Variants in DOCK8 observed in about 807,000 individuals in gnomAD.
DOCK8 encodes the protein dedicator of cytokinesis protein 8.
DOCK8 carries 141 observed loss-of-function variants against 245.6 expected under a neutral mutation model. That is an observed-to-expected ratio of 0.57 (90% CI 0.50 to 0.66). The LOEUF (loss-of-function observed/expected upper bound fraction) is 0.66. Among genes scored for constraint, DOCK8 ranks in the 30% least tolerant of loss-of-function variants. The pLI, the probability that DOCK8 is intolerant of heterozygous loss-of-function variation, is 0.00. For missense variants in DOCK8, 2,965 were observed against 2,603.4 expected (o/e 1.14, Z -3.02); for synonymous variants, 1,168 against 970.2 (o/e 1.20, Z -3.79).
At position 304,842 on chromosome 9, in the gene DOCK8, A is replaced by AT. The variant is rs368722500; in HGVS notation, c.528+148dup. The AT allele has an allele frequency of 4.7e-3, 5,482 of 1,159,946 alleles. 5 individuals carry two copies. Among genetic ancestry groups the AT allele is most frequent in the African/African-American group, 0.012 (743 of 63,564 alleles). The allele number at this position is 1,159,946 out of a possible 1,614,324, so 71.9% of individuals were successfully genotyped here. On this transcript the variant is annotated intron_variant, in intron 5 of 47. Transcript: ENST00000432829. ...AGGAACTTTACCATCTGAGTCAGTGATTTTTTTTTTCAAACTTATTTGTAG... is the reference window on the plus strand; with the variant it reads ...AGGAACTTTACCATCTGAGTCAGTGATTTTTTTTTTTCAAACTTATTTGTAG...
In DOCK8 at chr9:368,192, C is replaced by T. The variant is rs758796075; in HGVS notation, c.1797+57C>T. 4 of 1,392,896 alleles carry T rather than the reference C, an allele frequency of 2.9e-6. No homozygotes were observed. In the African/African-American group the frequency reaches 4.3e-5, roughly 15 times the overall value. 86.3% of individuals were successfully genotyped at this position (1,392,896 alleles called of 1,614,324 possible). A position where few individuals can be genotyped will look rare whatever the true frequency, so the allele number is the denominator to read the frequency against. On this transcript the variant is annotated intron_variant, in intron 15 of 47. Transcript: ENST00000432829. ...CAGGGTGGGCTGCTCACCCCTGTCA[C>T]TTCACACAAGTCCGGGACTCATCAG...
chr9:463,439 G>GAA, intron 46 of DOCK8, 78 bp from the exon 47 acceptor site: 1 of 1,562,738 alleles, frequency 6.4e-7, no homozygotes, highest in South Asian at 1.1e-5. Context: ...TCGAAAAATC[G>GAA]TAAGTAATTT....
At chr9:425,492 A>T (rs1005510891) in intron 33 of DOCK8, among the ~76,000 whole-genome samples, 16 of 141,098 alleles carry the variant, frequency 1.1e-4, no homozygotes, top group Non-Finnish European at 1.5e-4. Context: ...AGATTGCGCC[A>T]CTGCACTCTG....
chr9:273,421 T>C lies in DOCK8; in HGVS notation c.156+1692T>C, dbSNP rs201212116. ...TATTGGTTTAATTTGTGCTAATATA[T>C]ATTTAATTGAAAAATCAAAAAAATT... On this transcript the variant is annotated intron_variant, in intron 2 of 47. Coordinates refer to ENST00000432829, the MANE Select transcript of DOCK8 (RefSeq NM_203447.4). Among the ~76,000 whole-genome samples the C allele has an allele frequency of 4.6e-5, 7 of 152,236 alleles. No individual in the cohort carries two copies. The East Asian group carries it at 1.3e-3, about 29-fold the overall frequency.
chr9:319,076 C>T lies in DOCK8; in HGVS notation c.827+1948C>T, dbSNP rs150856379. 8.2e-4 allele frequency among the ~76,000 whole-genome samples: 125 copies of T among 152,266 alleles called. 1 individual carries two copies. Among genetic ancestry groups the T allele is most frequent in the African/African-American group, 2.9e-3 (122 of 41,558 alleles). On this transcript the variant is annotated intron_variant, in intron 7 of 47. Transcript: ENST00000432829. ...CTTTGGGAGGCCAAAGTGGGAGGAT[C>T]GCTTGAGGCCAGGAGTTTGAGGCCG...
At chr9:306,706 C>T (rs184355005) in intron 5 of DOCK8, among the ~76,000 whole-genome samples, 2 of 152,270 alleles carry the variant, frequency 1.3e-5, no homozygotes, top group East Asian at 3.9e-4. Context: ...ATTTCTGATT[C>T]AGTAGGTCTG....
intron 1 of DOCK8, among the ~76,000 whole-genome samples, chr9:263,019 C>G (rs2047954520): frequency 6.6e-6 from 1 of 152,140 alleles, no homozygotes; most frequent in Non-Finnish European, 1.5e-5. Context: ...CCAGCCTAGC[C>G]AACGTGGTGA....
At chr9:374,986 C>G (rs1341242414) in intron 18 of DOCK8, among the ~76,000 whole-genome samples, 1 of 152,180 alleles carries the variant, frequency 6.6e-6, no homozygotes, top group African/African-American at 2.4e-5. Flanking sequence ...TCTCTTCACT[C>G]TGCAGATTGG....
At chr9:224,397 C>T (rs1044225718) in intron 1 of DOCK8, among the ~76,000 whole-genome samples, 2 of 152,082 alleles carry the variant, frequency 1.3e-5, no homozygotes, top group Non-Finnish European at 2.9e-5. Flanking sequence ...TGCTTGGAGA[C>T]TCAATTAAGG....
intron 1 of DOCK8, among the ~76,000 whole-genome samples, chr9:219,399 A>T (rs1391971669): frequency 6.6e-6 from 1 of 152,164 alleles, no homozygotes; most frequent in Non-Finnish European, 1.5e-5. Context: ...TGAACCTGGG[A>T]GGTGGAGGCT....
chr9:391,772 T>C (rs986402388), intron 24 of DOCK8, among the ~76,000 whole-genome samples: 8 of 151,594 alleles, frequency 5.3e-5, no homozygotes, highest in African/African-American at 1.9e-4. Flanking sequence ...TTAGTGATAA[T>C]GTTAGCTTTA....
intron 14 of DOCK8, among the ~76,000 whole-genome samples, chr9:363,776 T>C (rs2052845485): frequency 6.6e-6 from 1 of 152,066 alleles, no homozygotes; most frequent in Non-Finnish European, 1.5e-5. Context: ...GGTGGTGATG[T>C]TTGGATACAG....
chr9:428,594 A>G (rs1459765941), intron 35 of DOCK8, 98 bp downstream of exon 35: 13 of 1,456,052 alleles, frequency 8.9e-6, no homozygotes, highest in South Asian at 1.2e-5. Context: ...GTCACAGAGC[A>G]TATTAAGTGG....
At chr9:277,467 A>AAGAGT (rs374538599) in intron 2 of DOCK8, among the ~76,000 whole-genome samples, 1 of 68,036 alleles carries the variant, frequency 1.5e-5, no homozygotes, top group South Asian at 3.9e-4. Context: ...GAGAGAAGAG[A>AAGAGT]AGAGAAGAGA....
chr9:361,048 G>C (rs1187076813), intron 14 of DOCK8, among the ~76,000 whole-genome samples: 2 of 152,098 alleles, frequency 1.3e-5, no homozygotes, highest in African/African-American at 2.4e-5. Context: ...TGAATCTGTA[G>C]TCCTAGAAAC....
At chr9:339,244 G>A (rs1430194616) in intron 13 of DOCK8, 145 bp downstream of exon 13, 1 of 752,474 alleles carries the variant, frequency 1.3e-6, no homozygotes, top group Non-Finnish European at 2.3e-6. Flanking sequence ...AATCTGAATT[G>A]TTCTATGTCT....
At chr9:442,166 G>T (rs924476064) in intron 42 of DOCK8, among the ~76,000 whole-genome samples, 157 bp downstream of exon 42, 7 of 152,180 alleles carry the variant, frequency 4.6e-5, no homozygotes, top group African/African-American at 1.7e-4. Flanking sequence ...AAAGTAGAAA[G>T]GTATTAGGTG....
rs962446975 is a variant in DOCK8 at position 361,124 on chromosome 9, G to A, written c.1680-6894G>A. On this transcript the variant is annotated intron_variant, in intron 14 of 47. Coordinates refer to ENST00000432829, the MANE Select transcript of DOCK8 (RefSeq NM_203447.4). ...TGAGGCTGCAGTAAGCTGTGATCACGCCACAGCACTCCAGCCCAAGCAACA... is the reference window on the plus strand; with the variant it reads ...TGAGGCTGCAGTAAGCTGTGATCACACCACAGCACTCCAGCCCAAGCAACA... Among the ~76,000 whole-genome samples, 13 of 152,206 alleles carry A rather than the reference G, an allele frequency of 8.5e-5. No individual in the cohort carries two copies. In the East Asian group the frequency reaches 1.9e-3, roughly 23 times the overall value.
intron 26 of DOCK8, among the ~76,000 whole-genome samples, chr9:404,150 T>G (rs1418308943): frequency 6.6e-6 from 1 of 151,756 alleles, no homozygotes; most frequent in Non-Finnish European, 1.5e-5. Context: ...CAGCGCCCCT[T>G]CCTTCCCCTA....
Sources: allele counts gnomAD v4.1 joint callset (sites outside exome capture counted in the v4.1 genomes callset), GRCh38; gene constraint gnomAD v4.1.1; transcripts MANE v1.5; gene names NCBI Gene and HGNC (gene_info 2026-07-23, HGNC 2026-07-21).